SH3BP1: variants seen among roughly 807,000 people sequenced by gnomAD.
The protein encoded by SH3BP1 is SH3 domain binding protein 1.
SH3BP1 carries 46 observed loss-of-function variants against 69.8 expected under a neutral mutation model. That is an observed-to-expected ratio of 0.66 (90% confidence interval 0.52 to 0.84). SH3BP1 has a LOEUF of 0.84. Ranked by LOEUF, SH3BP1 falls within the 40% of genes least tolerant of loss-of-function variation. SH3BP1 has a pLI of 0.00. For missense variants in SH3BP1, 868 were observed against 930.9 expected, an observed-to-expected ratio of 0.93 and a Z score of 0.88; for synonymous variants, 403 against 378.0, an observed-to-expected ratio of 1.07 and a Z score of -0.77.
rs753153738 is a variant in SH3BP1, at chr22:37,655,297, C to T, written c.1719C>T (p.Pro573=). Residue 573 remains proline, a synonymous_variant, in exon 18 of 18, where the codon CCC becomes CCT. Transcript: ENST00000649765. ...CCAAGCGCCCGGCGCCAGCCCGGCCCACCATGCCGCCCCCCCAGGTCTCCG... is the reference window on the plus strand; with the variant it reads ...CCAAGCGCCCGGCGCCAGCCCGGCCTACCATGCCGCCCCCCCAGGTCTCCG... ...RRTKRPAPAR[P]TMPPPQVSGS... 2.3e-5 allele frequency: 36 copies of T among 1,576,354 alleles called. No homozygotes were observed. Among genetic ancestry groups the T allele is most frequent in the Non-Finnish European group, 2.9e-5 (34 of 1,164,148 alleles).
Position 37,645,486 on chromosome 22 carries a change from G to A in SH3BP1, c.900G>A (p.Leu300=). ...ALPIEACVMM[L]LSEGMKEEGL... ...CCATCGAGGCCTGCGTCATGATGCT[G>A]CTTTCTGAGGGCATGAAGGAAGAGG... Residue 300 remains leucine, a synonymous_variant, in exon 10 of 18, where the codon CTG becomes CTA. Coordinates refer to ENST00000649765, the MANE Select transcript of SH3BP1 (RefSeq NM_018957.6). 1.2e-6 allele frequency: 2 copies of A among 1,613,014 alleles called. No individual in the cohort carries two copies. Among genetic ancestry groups the A allele is most frequent in the South Asian group, 2.2e-5 (2 of 90,996 alleles).
intron 16 of SH3BP1, among the ~76,000 whole-genome samples, chr22:37,653,217 C>A (rs780077978): frequency 6.6e-6 from 1 of 151,980 alleles, no homozygotes; most frequent in South Asian, 2.1e-4. Context: ...GGCAGAAGAT[C>A]GCTTGAGACC....
At chr22:37,646,567 C>T (rs911781902) in intron 10 of SH3BP1, among the ~76,000 whole-genome samples, 6 of 152,168 alleles carry the variant, frequency 3.9e-5, no homozygotes, top group Non-Finnish European at 7.3e-5. Flanking sequence ...CTCCCTTCCA[C>T]TTCTGACTGG....
At position 37,650,650 on chromosome 22, in the gene SH3BP1, C is replaced by A; in HGVS notation, c.1523C>A (p.Ala508Asp). ...ELPSTAVPTP[A>D]TTPAPAPAPA... is the part of the protein sequence containing the mutation. ...CCGTCCACTGCCGTGCCCACCCCAGCCACCACCCCGGCTCCGGCTCCGGCT... is the reference window on the plus strand; with the variant it reads ...CCGTCCACTGCCGTGCCCACCCCAGACACCACCCCGGCTCCGGCTCCGGCT... The change falls in exon 16 of 18, where the codon GCC (alanine) becomes GAC (aspartate). Residue 508 changes from alanine (A) to aspartate (D), a missense_variant. Ala to Asp is a moderately radical substitution (Grantham distance 126). This residue lies in a region of SH3BP1 where 474 missense variants were observed against 462.3 expected (regional missense o/e 1.03). Transcript: ENST00000649765. The A allele has an allele frequency of 1.2e-6, 2 of 1,614,024 alleles. No homozygotes were observed. Among genetic ancestry groups the A allele is most frequent in the Non-Finnish European group, 1.7e-6 (2 of 1,180,006 alleles).
In SH3BP1 at chr22:37,640,913, G is replaced by A. The variant is rs1445960020; in HGVS notation, c.60-213G>A. ...TCTCAGGACACAGCCCTGGGTGGAGGAGGAAAAACCCATGTATCCTATTCC... is the reference window on the plus strand; with the variant it reads ...TCTCAGGACACAGCCCTGGGTGGAGAAGGAAAAACCCATGTATCCTATTCC... On this transcript the variant is annotated intron_variant, in intron 1 of 17. Coordinates refer to ENST00000649765, the MANE Select transcript of SH3BP1 (RefSeq NM_018957.6). 7.8e-5 allele frequency: 46 copies of A among 589,624 alleles called. No individual in the cohort carries two copies. The Admixed American group carries it at 1.1e-3, about 14-fold the overall frequency. The allele number at this position is 589,624 out of a possible 1,614,324, so 36.5% of individuals were successfully genotyped here.
chr22:37,645,569 C>T (rs572701020), intron 10 of SH3BP1, 59 bp downstream of exon 10: 733 of 1,542,782 alleles, frequency 4.8e-4, no homozygotes, highest in Non-Finnish European at 6.0e-4. Context: ...TGTCCCAAAC[C>T]GCCCACTTGC....
intron 14 of SH3BP1, chr22:37,648,729 G>A (rs1302305585): frequency 3.5e-6 from 1 of 285,916 alleles, no homozygotes; most frequent in African/African-American, 2.3e-5. Flanking sequence ...TTGAGATGGA[G>A]TCTTGCTCTT....
At chr22:37,648,658 T>C in intron 14 of SH3BP1, 1 of 495,868 alleles carries the variant, frequency 2.0e-6, no homozygotes, top group Non-Finnish European at 3.6e-6. Flanking sequence ...GGTGATGAGG[T>C]GTTTAGTGGC....
Position 37,645,348 on chromosome 22 carries a change from C to G in SH3BP1, c.779-17C>G. 6.3e-7 allele frequency: 1 copy of G among 1,593,370 alleles called. No homozygotes were observed. Among genetic ancestry groups the G allele is most frequent in the Non-Finnish European group, 8.6e-7 (1 of 1,163,922 alleles). On this transcript the variant is annotated splice_polypyrimidine_tract_variant and intron_variant, in intron 9 of 17. Coordinates refer to ENST00000649765, the MANE Select transcript of SH3BP1 (RefSeq NM_018957.6). ...GGTGGGAAGGCCCTGGGCCGCTGAT[C>G]TGTTTCATCCCTGCAGACCACTCCC...
At chr22:37,645,532 G>C in intron 10 of SH3BP1, 22 bp downstream of exon 10, 3 of 1,596,870 alleles carry the variant, frequency 1.9e-6, no homozygotes, top group Non-Finnish European at 2.6e-6. Flanking sequence ...TGGGGCAGGT[G>C]GGGAAGGAGC....
At chr22:37,641,098 T>TA in intron 1 of SH3BP1, 28 bp from the exon 2 acceptor site, 1 of 946,798 alleles carries the variant, frequency 1.1e-6, no homozygotes. Flanking sequence ...AGAAGCACTC[T>TA]CCCCCCCCCC....
intron 14 of SH3BP1, 111 bp from the exon 15 acceptor site, chr22:37,650,041 G>C (rs760346875): frequency 1.6e-6 from 2 of 1,212,790 alleles, no homozygotes; most frequent in African/African-American, 3.0e-5. Context: ...GGCTTTTTGA[G>C]AACAAGGACT....
intron 3 of SH3BP1, 25 bp downstream of exon 3, chr22:37,641,503 G>C (rs1273884377): frequency 1.3e-6 from 2 of 1,533,110 alleles, no homozygotes; most frequent in Admixed American, 4.0e-5. Context: ...CCGGGAAGGA[G>C]GGGCCTGAGC....
intron 1 of SH3BP1, 90 bp downstream of exon 1, chr22:37,639,936 TG>T: frequency 9.3e-6 from 6 of 648,032 alleles, no homozygotes; most frequent in Non-Finnish European, 1.2e-5. Context: ...TGGGGGAGGC[TG>T]GGGACAGCTG....
At chr22:37,642,168 G>A (rs1932620172) in intron 3 of SH3BP1, 2 of 257,946 alleles carry the variant, frequency 7.8e-6, no homozygotes, top group African/African-American at 2.2e-5. Flanking sequence ...CGGTGGCTAG[G>A]TCAGCCATAT....
At chr22:37,643,368 G>A (rs536957931) in intron 6 of SH3BP1, 194 bp downstream of exon 6, 2 of 664,864 alleles carry the variant, frequency 3.0e-6, no homozygotes, top group Non-Finnish European at 5.2e-6. Context: ...GTGTGTCACA[G>A]CTGGTGCTGG....
In SH3BP1 at chr22:37,645,445, C is replaced by G. The variant is rs140149865; in HGVS notation, c.859C>G (p.Arg287Gly). ...SLATHLQELG[R>G]EIALPIEACV... Reference sequence around the variant, plus strand: ...GGCAACCCACCTGCAAGAGCTGGGCCGGGAGATTGCCCTGCCCATCGAGGC... The same window carrying G: ...GGCAACCCACCTGCAAGAGCTGGGCGGGGAGATTGCCCTGCCCATCGAGGC... The change falls in exon 10 of 18, where the codon CGG (arginine) becomes GGG (glycine). Residue 287 changes from arginine to glycine, a missense_variant. Arg to Gly is a moderately radical substitution (Grantham distance 125, BLOSUM62 -2). This residue lies in a region of SH3BP1 where 387 missense variants were observed against 447.9 expected (regional missense o/e 0.86). Coordinates refer to ENST00000649765, the MANE Select transcript of SH3BP1 (RefSeq NM_018957.6). 6.2e-7 allele frequency: 1 copy of G among 1,613,882 alleles called. No individual in the cohort carries two copies. The highest frequency in any genetic ancestry group is 8.5e-7 in the Non-Finnish European group (1 of 1,179,846).
rs1364090116 is a variant in SH3BP1 at position 37,643,926 on chromosome 22, C to T, written c.618+138C>T. On this transcript the variant is annotated intron_variant, in intron 7 of 17. Transcript: ENST00000649765. ...ACGTGGCTAGGAGCCAGCAGAGCTC[C>T]GCCATTCCCTCGTAGCCTCTTCTGT... The T allele has an allele frequency of 6.5e-6, 6 of 917,652 alleles. No homozygotes were observed. The East Asian group carries it at 1.3e-4, about 20-fold the overall frequency. The allele number at this position is 917,652 out of a possible 1,614,324, so 56.8% of individuals were successfully genotyped here. A position where few individuals can be genotyped will look rare whatever the true frequency, so the allele number is the denominator to read the frequency against.
rs751935164 is a variant in SH3BP1, at chr22:37,655,306, G to A, written c.1728G>A (p.Pro576=). The change falls in exon 18 of 18, where the codon CCG becomes CCA. Residue 576 remains proline, a synonymous_variant. Transcript: ENST00000649765. ...KRPAPARPTM[P]PPQVSGSRSS... ...CGGCGCCAGCCCGGCCCACCATGCC[G>A]CCCCCCCAGGTCTCCGGCTCCCGCT... The A allele has an allele frequency of 1.0e-4, 154 of 1,472,174 alleles. No homozygotes were observed. The highest frequency in any genetic ancestry group is 9.5e-4 in the South Asian group (69 of 72,910). 91.2% of individuals were successfully genotyped at this position (1,472,174 alleles called of 1,614,324 possible). A position where few individuals can be genotyped will look rare whatever the true frequency, so the allele number is the denominator to read the frequency against.
Sources: allele counts gnomAD v4.1 joint callset (sites outside exome capture counted in the v4.1 genomes callset), GRCh38; gene constraint gnomAD v4.1.1; regional missense constraint gnomAD v4.1.1; transcripts MANE v1.5; gene names NCBI Gene and HGNC (gene_info 2026-07-23, HGNC 2026-07-21).